Variants in GGA2 observed in about 807,000 individuals in gnomAD.
GGA2 encodes golgi associated, gamma adaptin ear containing, ARF binding protein 2, also known as ADP-ribosylation factor-binding protein GGA2.
Under a neutral mutation model 79.5 loss-of-function variants are expected in GGA2, and 48 were observed. The ratio of observed to expected loss-of-function variants is 0.60; its 90% confidence interval spans 0.48 to 0.77. GGA2 has a LOEUF of 0.77. Ranked by LOEUF, GGA2 falls within the 30% of genes least tolerant of loss-of-function variation. The pLI, the probability that GGA2 is intolerant of heterozygous loss-of-function variation, is 0.00. For missense variants in GGA2, 770 were observed against 774.0 expected (o/e 0.99, Z 0.06); for synonymous variants, 317 against 302.0 (o/e 1.05, Z -0.51).
chr16:23,486,102 T>C lies in GGA2; in HGVS notation c.711A>G (p.Glu237=). 1 of 1,613,764 alleles carries C rather than the reference T, an allele frequency of 6.2e-7. No individual in the cohort carries two copies. Among genetic ancestry groups the C allele is most frequent in the Non-Finnish European group, 8.5e-7 (1 of 1,179,640 alleles). The stretch of plus-strand genomic sequence containing the variant: ...GCAGCACCTTCACATGGCTTCGCAC[T>C]TCCTCCACCGCACTGACCCTCTTGG... ...KVSKRVSAVE[E]VRSHVKVLQE... The change falls in exon 8 of 17, where the codon GAA becomes GAG. Residue 237 remains glutamate, a synonymous_variant. Transcript: ENST00000309859.
chr16:23,524,120 G>A (rs1965184364), upstream of GGA2: 4 of 557,498 alleles, frequency 7.2e-6, no homozygotes, highest in Admixed American at 3.1e-5. Flanking sequence ...TGTGTAATGT[G>A]TGAGAAACCA....
intron 1 of GGA2, among the ~76,000 whole-genome samples, chr16:23,499,698 G>A (rs1293029818): frequency 9.8e-5 from 15 of 152,298 alleles, no homozygotes; most frequent in Admixed American, 2.6e-4. Flanking sequence ...TCCTGACCTC[G>A]TGATCCGCCC....
upstream of GGA2, chr16:23,510,606 C>T: frequency 5.2e-6 from 2 of 381,512 alleles, no homozygotes; most frequent in East Asian, 3.8e-5. Context: ...GATCCCTCCA[C>T]CCAGCGCTGG....
chr16:23,521,374 GTATC>G (rs1447480085), intron 1 of GGA2, among the ~76,000 whole-genome samples: 1 of 151,954 alleles, frequency 6.6e-6, no homozygotes, highest in African/African-American at 2.4e-5. Context: ...GAATCTTACA[GTATC>G]TATCCTTTTA....
Position 23,495,800 on chromosome 16 carries a change from T to C in GGA2, c.92-22A>G, listed in dbSNP as rs751436865. On this transcript the variant is annotated intron_variant, in intron 1 of 16. Transcript: ENST00000309859. Reference sequence around the variant, plus strand: ...TTGTCTGTCAAATAAATAATAAAGTTAGAGAGTACATAATAGGAAGAAATT... The same window carrying C: ...TTGTCTGTCAAATAAATAATAAAGTCAGAGAGTACATAATAGGAAGAAATT... 2.0e-6 allele frequency: 3 copies of C among 1,532,938 alleles called. No homozygotes were observed. In the South Asian group the frequency reaches 3.4e-5, roughly 17 times the overall value. The allele number at this position is 1,532,938 out of a possible 1,614,324, so 95.0% of individuals were successfully genotyped here.
At position 23,468,907 on chromosome 16, in the gene GGA2, C is replaced by G; in HGVS notation, c.1710G>C (p.Leu570=). ...LMPPAVISQM[L]LLDNPHKEPI... Reference sequence around the variant, plus strand: ...ATACTTTGTGTGGATTGTCAAGCAGCAGCATCTGAGATATCACAGCTGGAG... The same window carrying G: ...ATACTTTGTGTGGATTGTCAAGCAGGAGCATCTGAGATATCACAGCTGGAG... Residue 570 remains leucine, a synonymous_variant, in exon 16 of 17, where the codon CTG becomes CTC. Coordinates refer to ENST00000309859, the MANE Select transcript of GGA2 (RefSeq NM_015044.4). The G allele has an allele frequency of 6.2e-7, 1 of 1,606,124 alleles. No individual in the cohort carries two copies. The highest frequency in any genetic ancestry group is 1.1e-5 in the South Asian group (1 of 90,932).
intron 12 of GGA2, 34 bp downstream of exon 12, chr16:23,478,849 T>G: frequency 1.3e-6 from 2 of 1,517,956 alleles, no homozygotes; most frequent in Non-Finnish European, 1.8e-6. Flanking sequence ...GACCCTCCCA[T>G]TCTCTCTCCG....
rs564884376 is a variant in GGA2 at position 23,492,804 on chromosome 16, G to A, written c.351+556C>T. ...CAGCTTGAGGACACATGAGACTCAC[G>A]GCTGGCAGCTGAAACACAGGAAGCC... is the stretch of plus-strand genomic sequence containing the variant. On this transcript the variant is annotated intron_variant, in intron 4 of 16. Coordinates refer to ENST00000309859, the MANE Select transcript of GGA2 (RefSeq NM_015044.4). 4.6e-5 allele frequency among the ~76,000 whole-genome samples: 7 copies of A among 152,308 alleles called. 1 individual carries two copies. Among genetic ancestry groups the A allele is most frequent in the African/African-American group, 1.7e-4 (7 of 41,580 alleles).
At chr16:23,491,056 T>C (rs534946274) in intron 5 of GGA2, among the ~76,000 whole-genome samples, 58 of 150,636 alleles carry the variant, frequency 3.9e-4, no homozygotes, top group Non-Finnish European at 5.6e-4. Context: ...TTGGTGTAAG[T>C]GAGACAGCAA....
Position 23,464,693 on chromosome 16 carries a change from G to A in GGA2, c.*2897C>T, listed in dbSNP as rs908638044. The A allele has an allele frequency of 2.6e-5, 4 of 152,622 alleles. No individual in the cohort carries two copies. Among genetic ancestry groups the A allele is most frequent in the Non-Finnish European group, 5.9e-5 (4 of 68,350 alleles). 9.5% of individuals were successfully genotyped at this position (152,622 alleles called of 1,614,324 possible). On this transcript the variant is annotated 3_prime_UTR_variant, in exon 17 of 17. Transcript: ENST00000309859. ...GAAGCAGGAATCAGGGACCCAATAAGTCTCAGGTGCTTTCAAGTAAGAGCA... is the reference window on the plus strand; with the variant it reads ...GAAGCAGGAATCAGGGACCCAATAAATCTCAGGTGCTTTCAAGTAAGAGCA...
chr16:23,501,574 G>C (rs763775414), intron 1 of GGA2: 1 of 316,220 alleles, frequency 3.2e-6, no homozygotes, highest in Admixed American at 4.3e-5. Flanking sequence ...TGTCATGGCC[G>C]TGTGAATACA....
At chr16:23,521,985 G>T in exon 1 of GGA2, 3 of 346,816 alleles carry the variant, frequency 8.7e-6, no homozygotes, top group South Asian at 2.2e-5. Context: ...TTCCATATCT[G>T]TAACAGAAAA....
intron 1 of GGA2, among the ~76,000 whole-genome samples, chr16:23,500,489 T>C (rs1030921633): frequency 2.0e-5 from 3 of 152,112 alleles, no homozygotes; most frequent in Non-Finnish European, 4.4e-5. Context: ...GCACAGCAGA[T>C]GGAACACGCT....
exon 1 of GGA2, chr16:23,521,864 G>C (rs1191921226): frequency 4.4e-6 from 2 of 456,010 alleles, no homozygotes; most frequent in East Asian, 1.4e-4. Flanking sequence ...ACAACACTCA[G>C]TAGATCAGAG....
intron 7 of GGA2, 95 bp from the exon 8 acceptor site, chr16:23,486,247 G>A (rs371308868): frequency 1.1e-4 from 117 of 1,091,150 alleles, no homozygotes; most frequent in African/African-American, 2.2e-4. Flanking sequence ...GAGAGAGCTC[G>A]CTCAGGGGCA....
At chr16:23,488,379 G>A (rs11074562) in intron 6 of GGA2, among the ~76,000 whole-genome samples, 110,421 of 151,980 alleles carry the variant, frequency 0.73, 40,842 homozygotes, top group Non-Finnish European at 0.81. Flanking sequence ...CCAGGATGCA[G>A]TGTCTGCCTA....
chr16:23,480,921 T>C (rs1964640134), intron 9 of GGA2, 151 bp from the exon 10 acceptor site: 2 of 685,876 alleles, frequency 2.9e-6, no homozygotes, highest in South Asian at 3.7e-5. Flanking sequence ...TCGGACCCTA[T>C]CAGGCCTAGT....
chr16:23,506,373 A>C (rs961718993), intron 1 of GGA2, among the ~76,000 whole-genome samples: 1 of 152,170 alleles, frequency 6.6e-6, no homozygotes, highest in African/African-American at 2.4e-5. Context: ...CCAGAAGAAA[A>C]CAACAACAAA....
chr16:23,510,400 G>C lies in GGA2; in HGVS notation c.12C>G (p.Thr4=). The change falls in exon 1 of 17, where the codon ACC becomes ACG. Residue 4 remains threonine (T), a synonymous_variant. Transcript: ENST00000309859. MAA[T]AVAAAVAGTE... is the part of the protein sequence containing the mutation. Reference sequence around the variant, plus strand: ...TTCCCGCCACAGCCGCCGCCACCGCGGTCGCCGCCATCGCTCCAGCCCCGA... The same window carrying C: ...TTCCCGCCACAGCCGCCGCCACCGCCGTCGCCGCCATCGCTCCAGCCCCGA... 7.2e-7 allele frequency: 1 copy of C among 1,379,956 alleles called. No individual in the cohort carries two copies. The highest frequency in any genetic ancestry group is 1.5e-5 in the South Asian group (1 of 65,320). The allele number at this position is 1,379,956 out of a possible 1,614,324, so 85.5% of individuals were successfully genotyped here. A position where few individuals can be genotyped will look rare whatever the true frequency, so the allele number is the denominator to read the frequency against.
Sources: gnomAD v4.1 joint callset for allele counts (sites outside exome capture counted in the v4.1 genomes callset) on GRCh38, gnomAD v4.1.1 for gene constraint, MANE v1.5 for transcripts, NCBI Gene and HGNC (gene_info 2026-07-23, HGNC 2026-07-21) for gene names.